Variants in RTL4 observed in about 807,000 individuals in gnomAD.
The protein encoded by RTL4 is retrotransposon Gag like 4.
A neutral mutation model predicts 5.3 loss-of-function variants in RTL4; 4 were observed. That is an observed-to-expected ratio of 0.75 (90% CI 0.37 to 1.72). The LOEUF (loss-of-function observed/expected upper bound fraction) is 1.72. RTL4 is among the 40% of genes most tolerant of loss of function. RTL4 has a pLI of 0.04. For missense variants in RTL4, 260 were observed against 227.1 expected (o/e 1.14, Z -0.93); for synonymous variants, 98 against 87.3 (o/e 1.12, Z -0.68).
the RTL4 span, among the ~76,000 whole-genome samples, chrX:112,092,848 G>A: frequency 5.4e-5 from 6 of 111,518 alleles, no homozygotes; most frequent in Admixed American, 2.9e-4. Context: ...TGCCATGATT[G>A]TGAGGCCTCC....
chrX:112,181,514 C>T, the RTL4 span, among the ~76,000 whole-genome samples: 3 of 111,436 alleles, frequency 2.7e-5, no homozygotes, highest in Non-Finnish European at 3.8e-5. Context: ...TCTGCCATTA[C>T]TGAGACTTGA....
At chrX:112,112,423 G>A in the RTL4 span, among the ~76,000 whole-genome samples, 37 of 111,488 alleles carry the variant, frequency 3.3e-4, no homozygotes, top group African/African-American at 1.2e-3. Context: ...ATTCATAGTC[G>A]GCAAAAGCCA....
chrX:112,311,226 G>C, the RTL4 span, among the ~76,000 whole-genome samples: 12 of 110,392 alleles, frequency 1.1e-4, no homozygotes, highest in Non-Finnish European at 1.7e-4. Context: ...GAGAAGAGAA[G>C]AGTACTGAGT....
the RTL4 span, among the ~76,000 whole-genome samples, chrX:112,196,984 T>A: frequency 0.29 from 32,061 of 108,921 alleles, 4,774 homozygotes; most frequent in African/African-American, 0.57. Context: ...TGCAGTTTTG[T>A]TTCACGTTTC....
the RTL4 span, among the ~76,000 whole-genome samples, chrX:112,143,300 G>A: frequency 9.2e-6 from 1 of 108,531 alleles, no homozygotes; most frequent in Non-Finnish European, 1.9e-5. Context: ...ATTACTCTCA[G>A]ATGAACTTAG....
the RTL4 span, among the ~76,000 whole-genome samples, chrX:112,437,802 A>ATGGTGGTGGTGGTGGTGG: frequency 5.2e-5 from 4 of 77,010 alleles, no homozygotes; most frequent in Admixed American, 1.7e-4. Context: ...GGTGGTGGTG[A>ATGGTGGTGGTGGTGGTGG]TGGTGGTGGT....
At chrX:112,203,476 C>T in the RTL4 span, among the ~76,000 whole-genome samples, 1 of 111,035 alleles carries the variant, frequency 9.0e-6, no homozygotes, top group Non-Finnish European at 1.9e-5. Context: ...CCCTAGTGTC[C>T]AAGTGTTCTA....
At chrX:112,161,537 T>C in the RTL4 span, among the ~76,000 whole-genome samples, 1 of 110,925 alleles carries the variant, frequency 9.0e-6, no homozygotes, top group African/African-American at 3.3e-5. Context: ...TATGAATGAG[T>C]TTTAGTTTTG....
chrX:112,113,420 G>T, the RTL4 span, among the ~76,000 whole-genome samples: 1 of 111,781 alleles, frequency 8.9e-6, no homozygotes, highest in East Asian at 2.8e-4. Context: ...TACAACTGAG[G>T]AGGTGGGAGA....
the RTL4 span, among the ~76,000 whole-genome samples, chrX:112,086,269 A>G: frequency 8.9e-6 from 1 of 112,687 alleles, no homozygotes; most frequent in South Asian, 3.6e-4. Context: ...TGTATCCAGC[A>G]TAAAAATGAC....
At chrX:112,230,788 G>A in the RTL4 span, among the ~76,000 whole-genome samples, 2 of 111,471 alleles carry the variant, frequency 1.8e-5, no homozygotes, top group Non-Finnish European at 3.8e-5. Context: ...GAGTGAACAG[G>A]CAACCTACAG....
chrX:112,118,061 T>C, the RTL4 span, among the ~76,000 whole-genome samples: 1 of 112,063 alleles, frequency 8.9e-6, no homozygotes, highest in Non-Finnish European at 1.9e-5. Flanking sequence ...ACTTGACAGA[T>C]TATTAATTGA....
the RTL4 span, among the ~76,000 whole-genome samples, chrX:112,273,323 G>C: frequency 1.9e-5 from 2 of 105,859 alleles, no homozygotes; most frequent in Non-Finnish European, 3.9e-5. Flanking sequence ...GCGTAATCTT[G>C]GCTCACTGCA....
chrX:112,113,410 T>C, the RTL4 span, among the ~76,000 whole-genome samples: 10 of 111,568 alleles, frequency 9.0e-5, no homozygotes, highest in Non-Finnish European at 3.8e-5. Context: ...GTCTCCCAAT[T>C]ACAACTGAGG....
At chrX:112,092,484 A>G in the RTL4 span, among the ~76,000 whole-genome samples, 2 of 111,363 alleles carry the variant, frequency 1.8e-5, no homozygotes, top group Non-Finnish European at 3.8e-5. Flanking sequence ...TCTGCCTCTC[A>G]CTCCCATATC....
At chrX:112,393,113 T>C in the RTL4 span, among the ~76,000 whole-genome samples, 1 of 109,145 alleles carries the variant, frequency 9.2e-6, no homozygotes, top group African/African-American at 3.4e-5. Context: ...GTCTGACCAT[T>C]TTTCTTTTTT....
the RTL4 span, among the ~76,000 whole-genome samples, chrX:112,405,440 G>A: frequency 1.8e-5 from 2 of 112,056 alleles, no homozygotes; most frequent in African/African-American, 6.5e-5. Context: ...TACAAATGCA[G>A]GGCAAATATT....
At chrX:112,205,519 T>C in the RTL4 span, among the ~76,000 whole-genome samples, 4 of 111,557 alleles carry the variant, frequency 3.6e-5, no homozygotes, top group African/African-American at 1.3e-4. Flanking sequence ...TAAATGCCGC[T>C]TGATTGATCA....
the RTL4 span, among the ~76,000 whole-genome samples, chrX:112,432,449 T>A: frequency 1.0e-5 from 1 of 99,761 alleles, no homozygotes; most frequent in Admixed American, 1.1e-4. Context: ...GGTATCTCAT[T>A]GTGGTTTTGA....
Sources: gnomAD v4.1 joint callset for allele counts (sites outside exome capture counted in the v4.1 genomes callset) on GRCh38, gnomAD v4.1.1 for gene constraint, MANE v1.5 for transcripts, NCBI Gene and HGNC (gene_info 2026-07-23, HGNC 2026-07-21) for gene names.